CNTN3: variants seen among roughly 807,000 people sequenced by gnomAD.
CNTN3 encodes the protein contactin-3.
In CNTN3, 60 loss-of-function variants were observed where a neutral mutation model predicts 119.1. The observed-to-expected ratio is 0.50, with a 90% CI of 0.41 to 0.62. CNTN3 has a LOEUF of 0.62. CNTN3 is among the 20% of genes least tolerant of loss of function. The probability of loss-of-function intolerance (pLI) is 0.00; values close to 1 mark genes in which losing one functional copy is unlikely to be tolerated. For synonymous variants in CNTN3, 450 were observed against 438.7 expected, an observed-to-expected ratio of 1.03 and a Z score of -0.32; for missense variants, 1,101 against 1,242.4, an observed-to-expected ratio of 0.89 and a Z score of 1.71.
At chr3:74,477,184 T>A (rs1702672603) in intron 4 of CNTN3, among the ~76,000 whole-genome samples, 1 of 152,164 alleles carries the variant, frequency 6.6e-6, no homozygotes, top group South Asian at 2.1e-4. Flanking sequence ...CCTACTGAGA[T>A]AAATTTTATT....
intron 1 of CNTN3, among the ~76,000 whole-genome samples, chr3:74,606,392 T>A (rs1704993531): frequency 6.6e-6 from 1 of 151,886 alleles, no homozygotes. Flanking sequence ...ATTAACTCTA[T>A]CCCCTATCCT....
At chr3:74,367,517 C>G (rs982360913) in intron 8 of CNTN3, among the ~76,000 whole-genome samples, 2 of 151,942 alleles carry the variant, frequency 1.3e-5, no homozygotes, top group Non-Finnish European at 2.9e-5. Flanking sequence ...AGGAATGAAC[C>G]ATGTAGCCAG....
intron 2 of CNTN3, among the ~76,000 whole-genome samples, chr3:74,500,405 C>T (rs1703146479): frequency 6.6e-6 from 1 of 151,214 alleles, no homozygotes; most frequent in East Asian, 1.9e-4. Context: ...CTCTATTGTA[C>T]TACGTGTTTA....
At position 74,521,166 on chromosome 3, in the gene CNTN3, G is replaced by C; in HGVS notation, c.-54C>G. The C allele has an allele frequency of 9.6e-7, 1 of 1,041,332 alleles. No homozygotes were observed. The highest frequency in any genetic ancestry group is 1.4e-6 in the Non-Finnish European group (1 of 703,596). 64.5% of individuals were successfully genotyped at this position (1,041,332 alleles called of 1,614,324 possible). A position where few individuals can be genotyped will look rare whatever the true frequency, so the allele number is the denominator to read the frequency against. On this transcript the variant is annotated 5_prime_UTR_variant, in exon 2 of 23. Coordinates refer to ENST00000263665, the MANE Select transcript of CNTN3 (RefSeq NM_020872.3). The stretch of plus-strand genomic sequence containing the variant: ...TTGTCCAGTCTCTGATGAATAGAAT[G>C]CTTTCTCTTCAGGTAAATCCTTTAA...
At chr3:74,351,537 G>T (rs615326) in intron 11 of CNTN3, among the ~76,000 whole-genome samples, 28,685 of 152,160 alleles carry the variant, frequency 0.19, 6,924 homozygotes, top group African/African-American at 0.57. Context: ...TCCATGCTTT[G>T]CCCTTTCCAT....
In CNTN3 at chr3:74,349,574, T is replaced by C. The variant is rs17012407; in HGVS notation, c.1364+12316A>G. Among the ~76,000 whole-genome samples, 1,040 of 152,332 alleles carry C rather than the reference T, an allele frequency of 6.8e-3. 12 individuals carry two copies. Among genetic ancestry groups the C allele is most frequent in the African/African-American group, 0.024 (980 of 41,576 alleles). ...TCAAAAGGTAATGATATATGAACTCTTGTACTGCAACTTGATTTTGTTAAA... is the reference window on the plus strand; with the variant it reads ...TCAAAAGGTAATGATATATGAACTCCTGTACTGCAACTTGATTTTGTTAAA... On this transcript the variant is annotated intron_variant, in intron 11 of 22. Transcript: ENST00000263665.
chr3:74,361,122 T>A (rs2106770486), intron 11 of CNTN3, among the ~76,000 whole-genome samples: 1 of 152,022 alleles, frequency 6.6e-6, no homozygotes, highest in South Asian at 2.1e-4. Context: ...TAAACTGTAA[T>A]AATAAATAAT....
intron 1 of CNTN3, among the ~76,000 whole-genome samples, chr3:74,562,336 T>C (rs981113743): frequency 2.6e-5 from 4 of 152,192 alleles, no homozygotes; most frequent in African/African-American, 9.6e-5. Context: ...TGTTTTCCTC[T>C]CTTTGTAAAT....
At chr3:74,370,777 A>G (rs1704315366) in intron 6 of CNTN3, among the ~76,000 whole-genome samples, 1 of 152,092 alleles carries the variant, frequency 6.6e-6, no homozygotes, top group Non-Finnish European at 1.5e-5. Context: ...TGGTTTCTTT[A>G]GTGATGATTT....
At chr3:74,268,902 A>G (rs1050106307) in intron 20 of CNTN3, among the ~76,000 whole-genome samples, 2 of 152,222 alleles carry the variant, frequency 1.3e-5, no homozygotes, top group East Asian at 3.9e-4. Flanking sequence ...AAGTTTGAGT[A>G]ATTTTGGTTA....
intron 3 of CNTN3, among the ~76,000 whole-genome samples, chr3:74,492,281 C>T (rs1033455981): frequency 2.6e-5 from 4 of 152,070 alleles, no homozygotes; most frequent in Admixed American, 6.6e-5. Flanking sequence ...TCTATGTGAA[C>T]TTGTGTCTCA....
At chr3:74,390,824 G>A (rs1343572927) in intron 5 of CNTN3, among the ~76,000 whole-genome samples, 2 of 152,166 alleles carry the variant, frequency 1.3e-5, no homozygotes, top group East Asian at 1.9e-4. Flanking sequence ...ATAAATGGGC[G>A]AGTGTCACTG....
chr3:74,364,013 C>G (rs541775193), intron 10 of CNTN3, among the ~76,000 whole-genome samples: 25 of 152,128 alleles, frequency 1.6e-4, no homozygotes, highest in South Asian at 8.3e-4. Context: ...AGCAGTGGAG[C>G]CTTGGACAAT....
At chr3:74,318,158 G>A (rs917221614) in intron 13 of CNTN3, among the ~76,000 whole-genome samples, 10 of 152,026 alleles carry the variant, frequency 6.6e-5, no homozygotes, top group East Asian at 1.9e-4. Context: ...CATTCTTCAC[G>A]TAGTTCTCAA....
chr3:74,597,689 TA>T (rs1307179175), intron 1 of CNTN3, among the ~76,000 whole-genome samples: 1 of 152,072 alleles, frequency 6.6e-6, no homozygotes, highest in Non-Finnish European at 1.5e-5. Context: ...ACAACATATT[TA>T]AAACAAGCTT....
At chr3:74,459,756 C>A (rs974711520) in intron 4 of CNTN3, among the ~76,000 whole-genome samples, 2 of 152,006 alleles carry the variant, frequency 1.3e-5, no homozygotes, top group Admixed American at 6.6e-5. Context: ...CAAATACCCA[C>A]AAACAAGGGT....
intron 5 of CNTN3, among the ~76,000 whole-genome samples, chr3:74,408,251 G>A (rs2106864737): frequency 6.6e-6 from 1 of 152,236 alleles, no homozygotes; most frequent in African/African-American, 2.4e-5. Context: ...GAATATTTCT[G>A]AGATGCTTTT....
At chr3:74,279,925 T>G (rs1701966926) in intron 20 of CNTN3, among the ~76,000 whole-genome samples, 1 of 152,008 alleles carries the variant, frequency 6.6e-6, no homozygotes, top group Non-Finnish European at 1.5e-5. Flanking sequence ...GACAAAAAAA[T>G]AGAATGACTA....
intron 1 of CNTN3, among the ~76,000 whole-genome samples, chr3:74,576,660 T>C (rs1044139696): frequency 6.6e-6 from 1 of 152,110 alleles, no homozygotes; most frequent in African/African-American, 2.4e-5. Flanking sequence ...TTTGGAAAGT[T>C]TTCTGTATTG....
Sources: gnomAD v4.1 joint callset for allele counts (sites outside exome capture counted in the v4.1 genomes callset) on GRCh38, gnomAD v4.1.1 for gene constraint, MANE v1.5 for transcripts, NCBI Gene and HGNC (gene_info 2026-07-23, HGNC 2026-07-21) for gene names.